The following ENTPD4 variants were observed in gnomAD, a reference collection of about 807,000 sequenced individuals.
ENTPD4 encodes ectonucleoside triphosphate diphosphohydrolase 4.
Under a neutral mutation model 79.1 loss-of-function variants are expected in ENTPD4, and 60 were observed. The ratio of observed to expected loss-of-function variants is 0.76; its 90% confidence interval spans 0.62 to 0.94. ENTPD4 has a LOEUF of 0.94. ENTPD4 is among the 40% of genes least tolerant of loss of function. ENTPD4 has a pLI of 0.00. For synonymous variants in ENTPD4, 276 were observed against 292.0 expected (o/e 0.95, Z 0.56); for missense variants, 772 against 775.1 (o/e 1.00, Z 0.05).
At chr8:23,451,503 T>C (rs1800861163) in intron 1 of ENTPD4, among the ~76,000 whole-genome samples, 1 of 152,152 alleles carries the variant, frequency 6.6e-6, no homozygotes, top group Non-Finnish European at 1.5e-5. Flanking sequence ...CGGGCAATGA[T>C]ACTTTCTTGG....
chr8:23,451,325 T>A (rs891525129), intron 1 of ENTPD4, among the ~76,000 whole-genome samples: 1 of 152,182 alleles, frequency 6.6e-6, no homozygotes, highest in Non-Finnish European at 1.5e-5. Context: ...TGGCCCCAAA[T>A]GTAATTTCTT....
In ENTPD4 at chr8:23,432,454, C is replaced by G; in HGVS notation, c.*472G>C. 3 of 986,514 alleles carry G rather than the reference C, an allele frequency of 3.0e-6. No homozygotes were observed. The highest frequency in any genetic ancestry group is 3.6e-6 in the Non-Finnish European group (3 of 830,864). 61.1% of individuals were successfully genotyped at this position (986,514 alleles called of 1,614,324 possible). A position where few individuals can be genotyped will look rare whatever the true frequency, so the allele number is the denominator to read the frequency against. On this transcript the variant is annotated 3_prime_UTR_variant, in exon 13 of 13. Transcript: ENST00000358689. ...CCACTCCTCAATTTAATGCTGTACT[C>G]AAAATGGCTAAACGCAATACTTCTA...
At chr8:23,448,680 TA>T in intron 3 of ENTPD4, 61 bp downstream of exon 3, 1 of 1,405,500 alleles carries the variant, frequency 7.1e-7, no homozygotes. Context: ...TCCAGCAGCC[TA>T]AAACAGGTAA....
intron 6 of ENTPD4, 96 bp downstream of exon 6, chr8:23,443,754 A>C: frequency 1.6e-6 from 1 of 642,672 alleles, no homozygotes. Context: ...CCAAATGTTA[A>C]GACAATAGGA....
chr8:23,437,535 C>T (rs917395443), intron 9 of ENTPD4, among the ~76,000 whole-genome samples: 2 of 152,202 alleles, frequency 1.3e-5, no homozygotes, highest in Admixed American at 6.5e-5. Flanking sequence ...GCAACAAGGC[C>T]TGATGTTCCC....
Position 23,454,372 on chromosome 8 carries a change from T to C in ENTPD4, c.-98+3185A>G, listed in dbSNP as rs189219578. Among the ~76,000 whole-genome samples the C allele has an allele frequency of 1.3e-3, 203 of 152,326 alleles. 2 individuals are homozygous for C. The highest frequency in any genetic ancestry group is 1.0e-4 in the Non-Finnish European group (7 of 68,032). ...CTTAAAGTCATGGTTAAAGGCAAAC[T>C]GGTCCTTGAGGAAGAAAGTCAGGAC... On this transcript the variant is annotated intron_variant, in intron 1 of 12. Coordinates refer to ENST00000358689, the MANE Select transcript of ENTPD4 (RefSeq NM_004901.5).
intron 6 of ENTPD4, among the ~76,000 whole-genome samples, chr8:23,443,343 A>T (rs984804145): frequency 3.9e-5 from 6 of 152,208 alleles, no homozygotes; most frequent in African/African-American, 1.2e-4. Flanking sequence ...TCTCTTTCAC[A>T]TAGGAAGTAT....
Position 23,429,699 on chromosome 8 carries a change from A to G in ENTPD4, c.*3227T>C. On this transcript the variant is annotated 3_prime_UTR_variant, in exon 13 of 13. Transcript: ENST00000358689. ...ACAGATGTGGAAAACTGGTGGTGAA[A>G]AGAGGGACCTACCCAGCCTTCAGGG... The G allele has an allele frequency of 1.0e-6, 1 of 985,464 alleles. No homozygotes were observed. Among genetic ancestry groups the G allele is most frequent in the Non-Finnish European group, 1.2e-6 (1 of 829,936 alleles). 61.0% of individuals were successfully genotyped at this position (985,464 alleles called of 1,614,324 possible).
At chr8:23,440,145 A>C in intron 8 of ENTPD4, 1 of 468,570 alleles carries the variant, frequency 2.1e-6, no homozygotes, top group Non-Finnish European at 3.8e-6. Flanking sequence ...AGAGAAAGTC[A>C]GCAAAATAGT....
In ENTPD4 at chr8:23,430,774, T is replaced by C; in HGVS notation, c.*2152A>G. ...GCCCACTTCAACCATTTGTGGCCCC[T>C]TCCTTTCCTTTCTTCCCTCTCTGCT... On this transcript the variant is annotated 3_prime_UTR_variant, in exon 13 of 13. Coordinates refer to ENST00000358689, the MANE Select transcript of ENTPD4 (RefSeq NM_004901.5). 2 of 985,698 alleles carry C rather than the reference T, an allele frequency of 2.0e-6. No homozygotes were observed. The highest frequency in any genetic ancestry group is 2.4e-6 in the Non-Finnish European group (2 of 830,154). The allele number at this position is 985,698 out of a possible 1,614,324, so 61.1% of individuals were successfully genotyped here. A position where few individuals can be genotyped will look rare whatever the true frequency, so the allele number is the denominator to read the frequency against.
intron 12 of ENTPD4, among the ~76,000 whole-genome samples, chr8:23,433,701 A>G (rs1166151084): frequency 6.6e-6 from 1 of 152,240 alleles, no homozygotes; most frequent in African/African-American, 2.4e-5. Flanking sequence ...GAATGCAGAC[A>G]ACAAACTATC....
intron 1 of ENTPD4, among the ~76,000 whole-genome samples, chr8:23,453,893 A>G (rs1800908681): frequency 6.6e-6 from 1 of 152,246 alleles, no homozygotes; most frequent in Non-Finnish European, 1.5e-5. Context: ...TGTGGGGTAC[A>G]TTTATGCAAT....
intron 1 of ENTPD4, among the ~76,000 whole-genome samples, chr8:23,451,002 G>A (rs1477459937): frequency 6.7e-6 from 1 of 149,146 alleles, no homozygotes; most frequent in Non-Finnish European, 1.5e-5. Context: ...TCTTCCAAAT[G>A]TAATTTCTTT....
At chr8:23,456,092 C>A (rs928850708) in intron 1 of ENTPD4, among the ~76,000 whole-genome samples, 2 of 152,212 alleles carry the variant, frequency 1.3e-5, no homozygotes, top group African/African-American at 4.8e-5. Flanking sequence ...AGCTAAGAAC[C>A]TTCTGGAAGG....
chr8:23,441,600 G>C lies in ENTPD4; in HGVS notation c.851C>G (p.Pro284Arg), dbSNP rs370495416. 1 of 1,614,014 alleles carries C rather than the reference G, an allele frequency of 6.2e-7. No homozygotes were observed. The highest frequency in any genetic ancestry group is 8.5e-7 in the Non-Finnish European group (1 of 1,180,026). The change falls in exon 8 of 13, where the codon CCC becomes CGC. Residue 284 changes from proline to arginine, a missense_variant. Coordinates refer to ENST00000358689, the MANE Select transcript of ENTPD4 (RefSeq NM_004901.5). ...TGAGGACGCAAAGCTTACAGTTTTGGGGACTTCGTACGCTATCTGAGTCGA... is the reference window on the plus strand; with the variant it reads ...TGAGGACGCAAAGCTTACAGTTTTGCGGACTTCGTACGCTATCTGAGTCGA... ...GVSTQIAYEV[P>R]KTVSFASSQQ...
Position 23,448,753 on chromosome 8 carries a change from C to G in ENTPD4, c.195G>C (p.Lys65Asn). ...TTTTTATCTCTTACCTTTGAAATTT[C>G]TTGTCTCTGGTTAGTCGCCCATACT... ...RNKYGRLTRD[K>N]KFQRYLARVT... The change falls in exon 3 of 13, where the codon AAG becomes AAC. Residue 65 changes from lysine to asparagine, a missense_variant. Coordinates refer to ENST00000358689, the MANE Select transcript of ENTPD4 (RefSeq NM_004901.5). The G allele has an allele frequency of 6.2e-7, 1 of 1,613,876 alleles. No homozygotes were observed. Among genetic ancestry groups the G allele is most frequent in the Non-Finnish European group, 8.5e-7 (1 of 1,179,856 alleles).
Position 23,432,949 on chromosome 8 carries a change from G to A in ENTPD4, c.1828C>T (p.Gln610Ter), listed in dbSNP as rs765670701. 1.1e-5 allele frequency: 18 copies of A among 1,608,538 alleles called. No homozygotes were observed. Among genetic ancestry groups the A allele is most frequent in the Non-Finnish European group, 9.3e-6 (11 of 1,177,328 alleles). Residue 610 changes from glutamine to a stop codon, truncating the protein, a stop_gained, in exon 13 of 13, where the codon CAG becomes TAG. Transcript: ENST00000358689. LOFTEE classifies it high-confidence loss of function. ...ALWMEEGLPA[Q>*]NAPGTL is the part of the protein sequence containing the mutation. The stretch of plus-strand genomic sequence containing the variant: ...GATCACAAGGTCCCCGGGGCATTCT[G>A]GGCGGGAAGGCCCTCCTCCATCCAG...
In ENTPD4 at chr8:23,449,026, C is replaced by T. The variant is rs1800813065; in HGVS notation, c.9-87G>A. On this transcript the variant is annotated intron_variant, in intron 2 of 12. Coordinates refer to ENST00000358689, the MANE Select transcript of ENTPD4 (RefSeq NM_004901.5). ...AGTGATCCTAAAATAAGATATTTGG[C>T]TTGAGCTACCTGGATTTCCCTAACT... 4 of 1,100,746 alleles carry T rather than the reference C, an allele frequency of 3.6e-6. No homozygotes were observed. In the Admixed American group the frequency reaches 8.5e-5, roughly 23 times the overall value. 68.2% of individuals were successfully genotyped at this position (1,100,746 alleles called of 1,614,324 possible).
In ENTPD4 at chr8:23,434,356, AG is replaced by A. The variant is rs1445953340; in HGVS notation, c.1582del (p.Gly529GlufsTer12). The A allele has an allele frequency of 4.3e-6, 7 of 1,614,110 alleles. No individual in the cohort carries two copies. Among genetic ancestry groups the A allele is most frequent in the Non-Finnish European group, 5.9e-6 (7 of 1,180,044 alleles). ...GCGGGTCCTGTAGAGGATGGCTCCA[AG>A]GGTCCACTGAACCTCCTTGTCGTAA... is the stretch of plus-strand genomic sequence containing the variant. ...QVYDKEVQWT[L>X]GAILYRTRFL... is the part of the protein sequence containing the mutation. On this transcript the variant is annotated frameshift_variant, in exon 12 of 13. Coordinates refer to ENST00000358689, the MANE Select transcript of ENTPD4 (RefSeq NM_004901.5). LOFTEE classifies it high-confidence loss of function.
Sources: allele counts gnomAD v4.1 joint callset (sites outside exome capture counted in the v4.1 genomes callset), GRCh38; gene constraint gnomAD v4.1.1; transcripts MANE v1.5; gene names NCBI Gene and HGNC (gene_info 2026-07-23, HGNC 2026-07-21).